CNTN4: variants seen among roughly 807,000 people sequenced by gnomAD.
CNTN4 encodes contactin-4.
A neutral mutation model predicts 122.5 loss-of-function variants in CNTN4; 77 were observed. The ratio of observed to expected loss-of-function variants is 0.63; its 90% CI spans 0.52 to 0.76. The LOEUF is 0.76. CNTN4 is among the 30% of genes least tolerant of loss of function. CNTN4 has a pLI of 0.00. For synonymous variants in CNTN4, 512 were observed against 447.0 expected (o/e 1.15, Z -1.83); for missense variants, 1,256 against 1,259.1 (o/e 1.00, Z 0.04).
chr3:3,019,856 A>G (rs1698136829), intron 14 of CNTN4, among the ~76,000 whole-genome samples: 1 of 149,694 alleles, frequency 6.7e-6, no homozygotes. Flanking sequence ...TATGGGGGAG[A>G]AGAAAATAAG....
chr3:2,745,068 A>G (rs377558522), intron 5 of CNTN4, among the ~76,000 whole-genome samples: 1 of 152,204 alleles, frequency 6.6e-6, no homozygotes, highest in South Asian at 2.1e-4. Context: ...ACCAAATCAA[A>G]GCAACTCTGC....
chr3:2,878,083 GAA>G (rs2093865474), intron 8 of CNTN4, among the ~76,000 whole-genome samples: 1 of 152,108 alleles, frequency 6.6e-6, no homozygotes, highest in Non-Finnish European at 1.5e-5. Context: ...AAACAGCAGT[GAA>G]ATGATGCCAT....
chr3:2,172,476 A>G lies in CNTN4; in HGVS notation c.-145+71837A>G, dbSNP rs369857459. On this transcript the variant is annotated intron_variant, in intron 2 of 24. Coordinates refer to ENST00000418658, the MANE Select transcript of CNTN4 (RefSeq NM_175607.3). The stretch of plus-strand genomic sequence containing the variant: ...GTTCATTGCTTGGGTGATGGCTGCA[A>G]CAAAATCCCGGAAATCACCACTGAA... Among the ~76,000 whole-genome samples, 61 of 152,262 alleles carry G rather than the reference A, an allele frequency of 4.0e-4. No individual in the cohort carries two copies. In the South Asian group the frequency reaches 0.012, roughly 30 times the overall value.
At chr3:2,620,446 G>A (rs2081949964) in intron 4 of CNTN4, among the ~76,000 whole-genome samples, 1 of 152,172 alleles carries the variant, frequency 6.6e-6, no homozygotes, top group Admixed American at 6.5e-5. Flanking sequence ...GCTGCAGTCA[G>A]CCATGATCGT....
intron 13 of CNTN4, among the ~76,000 whole-genome samples, chr3:2,957,641 A>C (rs978610134): frequency 6.6e-6 from 1 of 152,018 alleles, no homozygotes. Context: ...TTCTCATTCT[A>C]TGTCCATGTG....
At position 2,296,789 on chromosome 3, in the gene CNTN4, G is replaced by GA. The variant is rs34529722; in HGVS notation, c.-144-42378dup. Among the ~76,000 whole-genome samples, 777 of 109,074 alleles carry GA rather than the reference G, an allele frequency of 7.1e-3. 5 individuals carry two copies. The highest frequency in any genetic ancestry group is 0.023 in the African/African-American group (645 of 27,850). 71.6% of individuals were successfully genotyped at this position (109,074 alleles called of 152,430 possible). ...AGGTTATGTTATCACCCTTTGCTCT[G>GA]AAAAAAAAAAACAACAAAAAACTAT... On this transcript the variant is annotated intron_variant, in intron 2 of 24. Transcript: ENST00000418658.
chr3:2,455,544 C>T (rs756017044), intron 3 of CNTN4, among the ~76,000 whole-genome samples: 160 of 152,082 alleles, frequency 1.1e-3, no homozygotes, highest in Non-Finnish European at 2.0e-3. Context: ...ATCTCTTCAG[C>T]GATCCGTTTT....
chr3:2,643,717 C>T (rs1576324988), intron 4 of CNTN4, among the ~76,000 whole-genome samples: 1 of 152,210 alleles, frequency 6.6e-6, no homozygotes, highest in Admixed American at 6.5e-5. Context: ...AGTGGTGATG[C>T]GATAGTCTCC....
intron 3 of CNTN4, among the ~76,000 whole-genome samples, chr3:2,518,559 A>C (rs1159877225): frequency 1.3e-5 from 2 of 152,152 alleles, no homozygotes; most frequent in Admixed American, 1.3e-4. Context: ...GAGTTTTCTC[A>C]AGGTATGAAA....
intron 3 of CNTN4, among the ~76,000 whole-genome samples, chr3:2,564,131 A>C (rs7627849): frequency 6.6e-6 from 1 of 152,024 alleles, no homozygotes; most frequent in African/African-American, 2.4e-5. Flanking sequence ...TAGTATAAGC[A>C]TGTTATTTTT....
At chr3:2,540,255 G>T (rs1413371457) in intron 3 of CNTN4, among the ~76,000 whole-genome samples, 1 of 152,016 alleles carries the variant, frequency 6.6e-6, no homozygotes, top group Non-Finnish European at 1.5e-5. Flanking sequence ...TTGAGGGTAG[G>T]TGTATGTGGT....
intron 13 of CNTN4, among the ~76,000 whole-genome samples, chr3:2,935,785 G>C (rs958188228): frequency 1.3e-5 from 2 of 152,166 alleles, no homozygotes; most frequent in Non-Finnish European, 2.9e-5. Flanking sequence ...ATGCTGAAAA[G>C]TGCCATTTGT....
At chr3:2,148,827 A>G (rs537454267) in intron 2 of CNTN4, among the ~76,000 whole-genome samples, 2 of 139,754 alleles carry the variant, frequency 1.4e-5, no homozygotes, top group African/African-American at 5.4e-5. Flanking sequence ...ATCAGAGACA[A>G]GCAAAAGTCA....
intron 3 of CNTN4, among the ~76,000 whole-genome samples, chr3:2,415,225 G>T (rs371229839): frequency 6.6e-6 from 1 of 152,114 alleles, no homozygotes; most frequent in Non-Finnish European, 1.5e-5. Flanking sequence ...GTGGCTCCTC[G>T]CTTTAGCCTT....
At chr3:3,021,352 C>A (rs1698272325) in intron 14 of CNTN4, among the ~76,000 whole-genome samples, 1 of 152,100 alleles carries the variant, frequency 6.6e-6, no homozygotes, top group Non-Finnish European at 1.5e-5. Context: ...GGATTATTGT[C>A]ATCATTAATC....
intron 6 of CNTN4, among the ~76,000 whole-genome samples, chr3:2,788,108 A>G (rs1559504329): frequency 6.6e-6 from 1 of 152,180 alleles, no homozygotes. Flanking sequence ...TAATGTAATC[A>G]TAAGAGTAAC....
At chr3:2,210,007 C>G (rs188815907) in intron 2 of CNTN4, among the ~76,000 whole-genome samples, 4 of 152,104 alleles carry the variant, frequency 2.6e-5, no homozygotes, top group Admixed American at 6.6e-5. Context: ...CCTAGCCTTT[C>G]CTGGCTGATA....
chr3:2,458,037 T>A (rs2049065069), intron 3 of CNTN4, among the ~76,000 whole-genome samples: 2 of 152,268 alleles, frequency 1.3e-5, no homozygotes, highest in South Asian at 4.1e-4. Flanking sequence ...GTTCCGTCTG[T>A]GGAACCACAG....
intron 2 of CNTN4, among the ~76,000 whole-genome samples, chr3:2,137,091 A>G (rs1161349304): frequency 1.5e-5 from 2 of 133,192 alleles, no homozygotes; most frequent in African/African-American, 5.6e-5. Context: ...TGTAGATCAC[A>G]CTTTAGTTCA....
Sources: gnomAD v4.1 joint callset for allele counts (sites outside exome capture counted in the v4.1 genomes callset) on GRCh38, gnomAD v4.1.1 for gene constraint, MANE v1.5 for transcripts, NCBI Gene and HGNC (gene_info 2026-07-23, HGNC 2026-07-21) for gene names.